The following PLXNA4 variants were observed in gnomAD, a reference collection of about 807,000 sequenced individuals.
The protein encoded by PLXNA4 is plexin A4.
PLXNA4 carries 44 observed loss-of-function variants against 191.8 expected under a neutral mutation model. The observed-to-expected ratio is 0.23, with a 90% confidence interval of 0.18 to 0.29. The LOEUF (loss-of-function observed/expected upper bound fraction) is 0.29, where lower values mean the gene tolerates loss of function less well. PLXNA4 is among the 10% of genes least tolerant of loss of function. The pLI, the probability that PLXNA4 is intolerant of heterozygous loss-of-function variation, is 1.00. For missense variants in PLXNA4, 1,800 were observed against 2,488.8 expected, an observed-to-expected ratio of 0.72 and a Z score of 5.89; for synonymous variants, 1,082 against 1,009.5, an observed-to-expected ratio of 1.07 and a Z score of -1.36.
In PLXNA4 at chr7:132,185,161, T is replaced by C. The variant is rs540287032; in HGVS notation, c.3158+138A>G. The C allele has an allele frequency of 1.2e-4, 155 of 1,298,510 alleles. 1 individual carries two copies. The African/African-American group carries it at 1.6e-3, about 14-fold the overall frequency. The allele number at this position is 1,298,510 out of a possible 1,614,324, so 80.4% of individuals were successfully genotyped here. On this transcript the variant is annotated intron_variant, in intron 16 of 31. Coordinates refer to ENST00000321063, the MANE Select transcript of PLXNA4 (RefSeq NM_020911.2). The stretch of plus-strand genomic sequence containing the variant: ...GGAGCCACAGTAGGAAGGTCTGATT[T>C]GGGGGTGTTTGGAATCAATTCCAGC...
intron 25 of PLXNA4, 39 bp downstream of exon 25, chr7:132,159,434 C>T: frequency 6.2e-7 from 1 of 1,607,980 alleles, no homozygotes; most frequent in Non-Finnish European, 8.5e-7. Context: ...TGTTCAGGAG[C>T]AGCCACAAGG....
rs950278689 is a variant in PLXNA4, at chr7:132,283,002, C to CA, written c.1503+15088_1503+15089insT. On this transcript the variant is annotated intron_variant, in intron 4 of 31. Transcript: ENST00000321063. The stretch of plus-strand genomic sequence containing the variant: ...AGTGATCCTCCCACCTCAGCCCCCC[C>CA]CAAGTAACTGGGACCTACAGGCGCT... Among the ~76,000 whole-genome samples the CA allele has an allele frequency of 3.9e-5, 6 of 152,184 alleles. No individual in the cohort carries two copies. In the East Asian group the frequency reaches 5.8e-4, roughly 15 times the overall value.
In PLXNA4 at chr7:132,445,872, C is replaced by CT. The variant is rs1161428632; in HGVS notation, c.1371+43419dup. 2.8e-4 allele frequency among the ~76,000 whole-genome samples: 42 copies of CT among 152,160 alleles called. 1 individual carries two copies. Among genetic ancestry groups the CT allele is most frequent in the Non-Finnish European group, 2.9e-5 (2 of 68,038 alleles). ...CAGGGATTCCAGCTCCTCACACAGCCTCTCAGGCTCACGTGATAAGGTGGG... is the reference window on the plus strand; with the variant it reads ...CAGGGATTCCAGCTCCTCACACAGCCTTCTCAGGCTCACGTGATAAGGTGGG... On this transcript the variant is annotated intron_variant, in intron 3 of 31. Transcript: ENST00000321063.
chr7:132,496,614 C>A (rs1038556621), intron 2 of PLXNA4, among the ~76,000 whole-genome samples: 1 of 152,128 alleles, frequency 6.6e-6, no homozygotes, highest in African/African-American at 2.4e-5. Context: ...GTTGGCCAGG[C>A]TGGTCTTGAA....
chr7:132,623,269 C>T (rs1043760750), intron 2 of PLXNA4, among the ~76,000 whole-genome samples: 1 of 151,474 alleles, frequency 6.6e-6, no homozygotes. Flanking sequence ...TCACTTGAAC[C>T]CAGGAGGCAG....
At chr7:132,374,091 C>T (rs1359483938) in intron 3 of PLXNA4, among the ~76,000 whole-genome samples, 5 of 152,170 alleles carry the variant, frequency 3.3e-5, no homozygotes, top group Non-Finnish European at 5.9e-5. Context: ...CTGACCTGCA[C>T]GAAGTGAAGA....
chr7:132,563,126 C>A (rs1209400733), intron 1 of PLXNA4, among the ~76,000 whole-genome samples: 2 of 96,874 alleles, frequency 2.1e-5, no homozygotes, highest in African/African-American at 7.7e-5. Context: ...TCCTCCTTCT[C>A]CTCCTCCTCC....
chr7:132,349,593 C>T (rs546230818), intron 3 of PLXNA4, among the ~76,000 whole-genome samples: 6 of 152,282 alleles, frequency 3.9e-5, no homozygotes, highest in East Asian at 1.9e-4. Context: ...CAATGTTTCA[C>T]GACCCTGACA....
At chr7:132,181,949 C>A in intron 17 of PLXNA4, 148 bp downstream of exon 17, 1 of 1,324,112 alleles carries the variant, frequency 7.6e-7, no homozygotes, top group Admixed American at 2.1e-5. Flanking sequence ...CCCCCCTATT[C>A]CACTATCCTA....
intron 2 of PLXNA4, among the ~76,000 whole-genome samples, chr7:132,621,988 A>T (rs1803276803): frequency 6.6e-6 from 1 of 152,094 alleles, no homozygotes; most frequent in African/African-American, 2.4e-5. Flanking sequence ...AGTAGCAGAG[A>T]CAGCTAGCTA....
At chr7:132,312,173 T>TAATAATAATA (rs1327754458) in intron 3 of PLXNA4, among the ~76,000 whole-genome samples, 1 of 151,472 alleles carries the variant, frequency 6.6e-6, no homozygotes, top group African/African-American at 2.4e-5. Context: ...ATAATAATAA[T>TAATAATAATA]AAGTGCCTGT....
chr7:132,632,216 A>G (rs1279271238), intron 2 of PLXNA4, among the ~76,000 whole-genome samples: 1 of 146,938 alleles, frequency 6.8e-6, no homozygotes, highest in African/African-American at 2.6e-5. Flanking sequence ...AGCCTAAGCA[A>G]CAGAGCTAGA....
intron 3 of PLXNA4, among the ~76,000 whole-genome samples, chr7:132,350,655 T>C (rs1178299097): frequency 6.6e-6 from 1 of 152,092 alleles, no homozygotes; most frequent in Non-Finnish European, 1.5e-5. Flanking sequence ...TTGGTGAGGG[T>C]GTGCAGCAAT....
At chr7:132,183,075 G>A (rs1314216404) in intron 16 of PLXNA4, among the ~76,000 whole-genome samples, 1 of 152,216 alleles carries the variant, frequency 6.6e-6, no homozygotes, top group East Asian at 1.9e-4. Context: ...ACAGGCTTTA[G>A]CAAGTTAGTT....
intron 21 of PLXNA4, among the ~76,000 whole-genome samples, chr7:132,172,424 C>T (rs1415845657): frequency 6.6e-6 from 1 of 152,234 alleles, no homozygotes; most frequent in East Asian, 1.9e-4. Context: ...TCCAGGACAG[C>T]CTGAAGCAAG....
At chr7:132,174,107 G>T (rs1413028349) in intron 21 of PLXNA4, among the ~76,000 whole-genome samples, 2 of 152,122 alleles carry the variant, frequency 1.3e-5, no homozygotes, top group African/African-American at 4.8e-5. Context: ...TTATTCCTCA[G>T]GATTATTATT....
Position 132,173,920 on chromosome 7 carries a change from TC to T in PLXNA4, c.4017+857del, listed in dbSNP as rs138350365. Among the ~76,000 whole-genome samples, 1,252 of 152,228 alleles carry T rather than the reference TC, an allele frequency of 8.2e-3. 19 individuals are homozygous for T. The highest frequency in any genetic ancestry group is 0.029 in the African/African-American group (1,204 of 41,536). On this transcript the variant is annotated intron_variant, in intron 21 of 31. Transcript: ENST00000321063. ...AGTCTAAATGCCTGAGCTCAAATCTTCCTTTGGCCGCCACCAGCTGTGTGGT... is the reference window on the plus strand; with the variant it reads ...AGTCTAAATGCCTGAGCTCAAATCTTCTTTGGCCGCCACCAGCTGTGTGGT...
intron 2 of PLXNA4, among the ~76,000 whole-genome samples, chr7:132,490,202 C>T (rs1489244861): frequency 6.6e-6 from 1 of 152,196 alleles, no homozygotes; most frequent in Non-Finnish European, 1.5e-5. Flanking sequence ...GCCATGCCTA[C>T]ACCAGCACTT....
At chr7:132,143,767 A>G (rs1292726406) in intron 29 of PLXNA4, among the ~76,000 whole-genome samples, 1 of 152,158 alleles carries the variant, frequency 6.6e-6, no homozygotes, top group African/African-American at 2.4e-5. Context: ...TCGCATCACA[A>G]AGTTTTGCTA....
Sources: allele counts gnomAD v4.1 joint callset (sites outside exome capture counted in the v4.1 genomes callset), GRCh38; gene constraint gnomAD v4.1.1; transcripts MANE v1.5; gene names NCBI Gene and HGNC (gene_info 2026-07-23, HGNC 2026-07-21).